The following STAC variants were observed in gnomAD, a reference collection of about 807,000 sequenced individuals.
STAC encodes SH3 and cysteine rich domain.
Under a neutral mutation model 48.8 loss-of-function variants are expected in STAC, and 43 were observed. The observed-to-expected ratio is 0.88, with a 90% CI of 0.69 to 1.14. The LOEUF (loss-of-function observed/expected upper bound fraction) is 1.14. Among genes scored for constraint, STAC ranks in the 50% most tolerant of loss-of-function variants. The pLI is 0.00. For synonymous variants in STAC, 193 were observed against 179.5 expected (o/e 1.07, Z -0.60); for missense variants, 497 against 504.0 (o/e 0.99, Z 0.13).
intron 1 of STAC, among the ~76,000 whole-genome samples, chr3:36,389,299 A>G (rs1231894534): frequency 6.6e-6 from 1 of 152,294 alleles, no homozygotes; most frequent in South Asian, 2.1e-4. Context: ...AGGCATCAGC[A>G]GAGGGCCTGT....
chr3:36,400,352 T>C (rs1317183095), intron 1 of STAC, among the ~76,000 whole-genome samples: 4 of 152,224 alleles, frequency 2.6e-5, no homozygotes, highest in Non-Finnish European at 5.9e-5. Context: ...TAATGGAGCA[T>C]TCTGAATCTC....
chr3:36,537,820 A>C (rs1187737108), intron 10 of STAC, among the ~76,000 whole-genome samples: 1 of 152,144 alleles, frequency 6.6e-6, no homozygotes, highest in Non-Finnish European at 1.5e-5. Context: ...TGTGGAATTC[A>C]GTCTATTTTA....
chr3:36,380,800 C>T (rs757915882), intron 1 of STAC, 46 bp downstream of exon 1: 1 of 1,459,970 alleles, frequency 6.8e-7, no homozygotes, highest in Non-Finnish European at 9.5e-7. Context: ...TCACTCTCCT[C>T]TCCTGTCGGT....
intron 1 of STAC, among the ~76,000 whole-genome samples, chr3:36,410,296 T>C (rs1053233396): frequency 6.6e-6 from 1 of 152,188 alleles, no homozygotes; most frequent in Admixed American, 6.5e-5. Flanking sequence ...ATGTGTTTCG[T>C]GGGTATGTGT....
intron 1 of STAC, among the ~76,000 whole-genome samples, chr3:36,385,388 A>T (rs1423200086): frequency 6.6e-6 from 1 of 152,154 alleles, no homozygotes; most frequent in East Asian, 1.9e-4. Flanking sequence ...GTTTCTGATC[A>T]GTTTCATGAC....
At chr3:36,414,370 G>C (rs930343264) in intron 1 of STAC, among the ~76,000 whole-genome samples, 3 of 152,002 alleles carry the variant, frequency 2.0e-5, no homozygotes, top group Non-Finnish European at 4.4e-5. Flanking sequence ...GGATTTGTTT[G>C]TTTCTTTTTA....
At position 36,505,767 on chromosome 3, in the gene STAC, T is replaced by G. The variant is rs750681439; in HGVS notation, c.853T>G (p.Leu285Val). 1.9e-6 allele frequency: 3 copies of G among 1,606,246 alleles called. No homozygotes were observed. In the East Asian group the frequency reaches 6.7e-5, roughly 36 times the overall value. The change falls in exon 8 of 11, where the codon TTA (leucine) becomes GTA (valine). Residue 285 changes from leucine (L) to valine (V), a missense_variant. Physicochemically the swap from Leu to Val is conservative, Grantham distance 32. Transcript: ENST00000273183. Reference sequence around the variant, plus strand: ...TCAGGGATCTCTTTCCAAAGACCCATTACAGATGAACACCTATGTTGCCTT... The same window carrying G: ...TCAGGGATCTCTTTCCAAAGACCCAGTACAGATGAACACCTATGTTGCCTT... ...NHQGSLSKDP[L>V]QMNTYVALYK...
At chr3:36,492,023 AAAAAAAAAATATATATATATATATATAT>A (rs1697985840) in intron 5 of STAC, among the ~76,000 whole-genome samples, 1 of 25,002 alleles carries the variant, frequency 4.0e-5, no homozygotes. Context: ...AAAAAAAAAA[AAAAAAAAAATATATATATATATATATAT>A]ATATATATAT....
intron 2 of STAC, among the ~76,000 whole-genome samples, chr3:36,477,066 C>T (rs1697511930): frequency 6.6e-6 from 1 of 152,146 alleles, no homozygotes; most frequent in Non-Finnish European, 1.5e-5. Flanking sequence ...TATTTATGGA[C>T]ATTTCTATAT....
At chr3:36,482,333 G>A (rs769827430) in intron 2 of STAC, among the ~76,000 whole-genome samples, 1 of 152,192 alleles carries the variant, frequency 6.6e-6, no homozygotes, top group Non-Finnish European at 1.5e-5. Flanking sequence ...CTTTGTGCAT[G>A]AAGATACCAG....
chr3:36,486,648 C>T lies in STAC; in HGVS notation c.687+399C>T, dbSNP rs78953852. ...TTAGCTACATTCCAGTTCAAAGACA[C>T]AGCTATTTCTCACATCTTTTGTCTT... On this transcript the variant is annotated intron_variant, in intron 5 of 10. Transcript: ENST00000273183. Among the ~76,000 whole-genome samples the T allele has an allele frequency of 2.4e-3, 361 of 152,318 alleles. 13 individuals are homozygous for T. The East Asian group carries it at 0.066, about 28-fold the overall frequency.
intron 1 of STAC, among the ~76,000 whole-genome samples, chr3:36,420,639 T>TCATCCTCAAAC (rs1700428904): frequency 6.6e-6 from 1 of 152,212 alleles, no homozygotes; most frequent in Admixed American, 6.5e-5. Context: ...TGGAACACTT[T>TCATCCTCAAAC]CATCCTCAAA....
intron 1 of STAC, among the ~76,000 whole-genome samples, chr3:36,413,582 T>C (rs1269024984): frequency 2.0e-5 from 3 of 152,232 alleles, no homozygotes; most frequent in African/African-American, 4.8e-5. Context: ...GCATGTGAGA[T>C]GGGTTTCCCG....
At chr3:36,535,522 C>T (rs1374058492) in intron 10 of STAC, among the ~76,000 whole-genome samples, 5 of 152,138 alleles carry the variant, frequency 3.3e-5, no homozygotes, top group East Asian at 1.9e-4. Flanking sequence ...ATAGAAGTGG[C>T]GAGAGAGGGC....
At chr3:36,501,385 T>C (rs1465216727) in intron 6 of STAC, among the ~76,000 whole-genome samples, 4 of 152,078 alleles carry the variant, frequency 2.6e-5, no homozygotes, top group African/African-American at 7.2e-5. Context: ...CAATAAATCT[T>C]GAGTGTTTTT....
At chr3:36,403,517 T>C (rs1016714132) in intron 1 of STAC, among the ~76,000 whole-genome samples, 15 of 152,028 alleles carry the variant, frequency 9.9e-5, no homozygotes, top group African/African-American at 3.1e-4. Context: ...GAAAAAAAGT[T>C]ATATGTTCAA....
intron 3 of STAC, 25 bp downstream of exon 3, chr3:36,483,117 G>A (rs1232892719): frequency 4.5e-6 from 7 of 1,541,278 alleles, no homozygotes; most frequent in Non-Finnish European, 6.3e-6. Context: ...CAGGAGTGAG[G>A]CCCACACCTC....
chr3:36,472,952 C>A (rs1697380666), intron 2 of STAC, among the ~76,000 whole-genome samples: 1 of 152,184 alleles, frequency 6.6e-6, no homozygotes, highest in Non-Finnish European at 1.5e-5. Flanking sequence ...TCTACTGGTA[C>A]CAATTTACTG....
chr3:36,390,190 T>C (rs1306831350), intron 1 of STAC, among the ~76,000 whole-genome samples: 2 of 152,192 alleles, frequency 1.3e-5, no homozygotes, highest in Non-Finnish European at 2.9e-5. Flanking sequence ...AAAGTACTTA[T>C]ACAGCCTGAG....
Sources: allele counts gnomAD v4.1 joint callset (sites outside exome capture counted in the v4.1 genomes callset), GRCh38; gene constraint gnomAD v4.1.1; transcripts MANE v1.5; gene names NCBI Gene and HGNC (gene_info 2026-07-23, HGNC 2026-07-21).